Variants in TGS1 observed in about 807,000 individuals in gnomAD.
The protein encoded by TGS1 is trimethylguanosine synthase 1.
Under a neutral mutation model 92.2 loss-of-function variants are expected in TGS1, and 69 were observed. The ratio of observed to expected loss-of-function variants is 0.75; its 90% CI spans 0.62 to 0.91. TGS1 has a LOEUF of 0.91. TGS1 is among the 40% of genes least tolerant of loss of function. The pLI is 0.00. For synonymous variants in TGS1, 345 were observed against 338.1 expected, an observed-to-expected ratio of 1.02 and a Z score of -0.22; for missense variants, 1,062 against 1,001.2, an observed-to-expected ratio of 1.06 and a Z score of -0.82.
chr8:55,801,934 C>T (rs1812226440), intron 8 of TGS1, among the ~76,000 whole-genome samples: 1 of 152,100 alleles, frequency 6.6e-6, no homozygotes, highest in Non-Finnish European at 1.5e-5. Flanking sequence ...GTGGCTCATG[C>T]CTGTAATCCC....
intron 1 of TGS1, among the ~76,000 whole-genome samples, chr8:55,782,238 G>A (rs1217347286): frequency 6.6e-6 from 1 of 151,876 alleles, no homozygotes; most frequent in Non-Finnish European, 1.5e-5. Flanking sequence ...CTAGAGTGCA[G>A]TGGTGTGATC....
intron 6 of TGS1, among the ~76,000 whole-genome samples, 168 bp from the exon 7 acceptor site, chr8:55,795,810 C>T (rs1016150510): frequency 1.3e-5 from 2 of 152,112 alleles, no homozygotes; most frequent in African/African-American, 4.8e-5. Flanking sequence ...GAAAGTTAGA[C>T]CATCAACTCT....
intron 8 of TGS1, among the ~76,000 whole-genome samples, chr8:55,799,970 C>T (rs1010963439): frequency 3.3e-5 from 5 of 152,102 alleles, no homozygotes; most frequent in Non-Finnish European, 5.9e-5. Flanking sequence ...GTATTCAGAG[C>T]AGTTGGCTCT....
intron 6 of TGS1, among the ~76,000 whole-genome samples, chr8:55,795,292 C>G (rs963452274): frequency 1.3e-5 from 2 of 152,116 alleles, no homozygotes; most frequent in East Asian, 3.8e-4. Flanking sequence ...ATAAAATATC[C>G]TGTTTATTAA....
In TGS1 at chr8:55,799,036, T is replaced by A. The variant is rs769665047; in HGVS notation, c.1665T>A (p.Ser555=). The A allele has an allele frequency of 5.6e-6, 9 of 1,614,202 alleles. No homozygotes were observed. Among genetic ancestry groups the A allele is most frequent in the Non-Finnish European group, 7.6e-6 (9 of 1,180,038 alleles). ...TSSDSEEQDM[S]VKKGDDLLET... is the part of the protein sequence containing the mutation. ...GTGATTCAGAGGAACAAGACATGTCTGTTAAAAAAGGTGATGACCTACTGG... is the reference window on the plus strand; with the variant it reads ...GTGATTCAGAGGAACAAGACATGTCAGTTAAAAAAGGTGATGACCTACTGG... The change falls in exon 8 of 13, where the codon TCT becomes TCA. Residue 555 remains serine (S), a synonymous_variant. Coordinates refer to ENST00000260129, the MANE Select transcript of TGS1 (RefSeq NM_024831.8).
In TGS1 at chr8:55,824,809, A is replaced by T; in HGVS notation, c.*106A>T. ...ACTGATATTTTCTACCCATGGTCTT[A>T]TATCACCGTATGAAATGGAAACTTA... On this transcript the variant is annotated 3_prime_UTR_variant, in exon 13 of 13. Transcript: ENST00000260129. 1 of 1,301,868 alleles carries T rather than the reference A, an allele frequency of 7.7e-7. No homozygotes were observed. The highest frequency in any genetic ancestry group is 1.1e-6 in the Non-Finnish European group (1 of 943,186). 80.6% of individuals were successfully genotyped at this position (1,301,868 alleles called of 1,614,324 possible). A position where few individuals can be genotyped will look rare whatever the true frequency, so the allele number is the denominator to read the frequency against.
chr8:55,782,837 AC>A lies in TGS1; in HGVS notation c.166+27del, dbSNP rs754597697. 46 of 1,505,574 alleles carry A rather than the reference AC, an allele frequency of 3.1e-5. 1 individual carries two copies. The South Asian group carries it at 5.3e-4, about 17-fold the overall frequency. The allele number at this position is 1,505,574 out of a possible 1,614,324, so 93.3% of individuals were successfully genotyped here. On this transcript the variant is annotated intron_variant, in intron 2 of 12. Transcript: ENST00000260129. ...GGTAATATAGTATAAAATTCTATAA[AC>A]CTTTTTTGCTGAAATTAGCCATAAT...
At chr8:55,806,711 G>C (rs955180745) in intron 10 of TGS1, among the ~76,000 whole-genome samples, 4 of 152,028 alleles carry the variant, frequency 2.6e-5, no homozygotes, top group East Asian at 1.9e-4. Flanking sequence ...ATGTCTTACT[G>C]TCTGTGTTTC....
At chr8:55,784,852 C>T (rs530144893) in intron 2 of TGS1, among the ~76,000 whole-genome samples, 47 of 152,220 alleles carry the variant, frequency 3.1e-4, no homozygotes, top group Non-Finnish European at 5.7e-4. Context: ...CTCCACGTAC[C>T]AGGGTTACAT....
In TGS1 at chr8:55,786,647, A is replaced by G. The variant is rs1811721977; in HGVS notation, c.749A>G (p.Glu250Gly). 1 of 1,614,042 alleles carries G rather than the reference A, an allele frequency of 6.2e-7. No homozygotes were observed. Among genetic ancestry groups the G allele is most frequent in the Non-Finnish European group, 8.5e-7 (1 of 1,180,024 alleles). The change falls in exon 4 of 13, where the codon GAA becomes GGA. Residue 250 changes from glutamate to glycine, a missense_variant. By Grantham distance (98) the Glu-to-Gly change is moderately conservative. Coordinates refer to ENST00000260129, the MANE Select transcript of TGS1 (RefSeq NM_024831.8). ...HYSQLYWYYL[E>G]QFQYWEAQGW... ...AGTCAACTTTATTGGTATTATTTGG[A>G]ACAATTTCAGTATTGGGAAGCTCAG...
At chr8:55,812,963 TATG>T (rs1803377298) in intron 11 of TGS1, 74 bp from the exon 12 acceptor site, 2 of 1,072,834 alleles carry the variant, frequency 1.9e-6, no homozygotes, top group African/African-American at 3.2e-5. Context: ...ACATTTGAGT[TATG>T]ATAAGTAAAA....
intron 11 of TGS1, among the ~76,000 whole-genome samples, chr8:55,811,847 G>A (rs1286343679): frequency 2.6e-5 from 4 of 152,188 alleles, no homozygotes; most frequent in Admixed American, 6.5e-5. Context: ...TACATAAAAA[G>A]CAGGTATGTA....
intron 12 of TGS1, among the ~76,000 whole-genome samples, chr8:55,823,891 G>A (rs987191747): frequency 6.6e-6 from 1 of 152,138 alleles, no homozygotes; most frequent in Non-Finnish European, 1.5e-5. Context: ...GGGCCGAGCG[G>A]ATCACCAGGT....
chr8:55,819,265 G>GGTTA (rs1389212074), intron 12 of TGS1, among the ~76,000 whole-genome samples: 2 of 148,734 alleles, frequency 1.3e-5, no homozygotes, highest in Non-Finnish European at 3.0e-5. Context: ...CACCAGTGTA[G>GGTTA]GTTAGCTTGT....
rs1279178292 is a variant in TGS1, at chr8:55,804,740, A to AT, written c.2000-146dup. Reference sequence around the variant, plus strand: ...TACTGCTTTTTATAACAAGCTTTGAATTTTTTTCTTTAAAACTGGGTGATT... The same window carrying AT: ...TACTGCTTTTTATAACAAGCTTTGAATTTTTTTTCTTTAAAACTGGGTGATT... On this transcript the variant is annotated intron_variant, in intron 9 of 12. Transcript: ENST00000260129. Among the ~76,000 whole-genome samples, 3 of 152,052 alleles carry AT rather than the reference A, an allele frequency of 2.0e-5. No individual in the cohort carries two copies. In the East Asian group the frequency reaches 5.8e-4, roughly 29 times the overall value.
chr8:55,799,276 AAT>A, intron 8 of TGS1, 56 bp downstream of exon 8: 2 of 1,486,528 alleles, frequency 1.3e-6, no homozygotes, highest in Non-Finnish European at 1.8e-6. Context: ...TTTTTTTGTT[AAT>A]ATGTTTTTTC....
At chr8:55,782,146 CTTTATTTATTTATTTA>C (rs201552456) in intron 1 of TGS1, among the ~76,000 whole-genome samples, 9 of 150,734 alleles carry the variant, frequency 6.0e-5, no homozygotes, top group East Asian at 3.9e-4. Context: ...AGAACTTACA[CTTTATTTATTTATTTA>C]TTTATTTATT....
At chr8:55,781,107 T>C (rs545267487) in intron 1 of TGS1, among the ~76,000 whole-genome samples, 2 of 152,332 alleles carry the variant, frequency 1.3e-5, no homozygotes, top group African/African-American at 4.8e-5. Context: ...GCCCTCTTAG[T>C]AGAGAGAGTT....
chr8:55,785,700 TAATA>T lies in TGS1; in HGVS notation c.167-15_167-12del. ...TCTTAAGTTTTCCTTAAAACTAAGCTAATAAATGGTGTCTATAGGAGACCAGGCG... is the reference window on the plus strand; with the variant it reads ...TCTTAAGTTTTCCTTAAAACTAAGCTAATGGTGTCTATAGGAGACCAGGCG... On this transcript the variant is annotated splice_polypyrimidine_tract_variant and intron_variant, in intron 2 of 12. Transcript: ENST00000260129. 1 of 1,499,474 alleles carries T rather than the reference TAATA, an allele frequency of 6.7e-7. No individual in the cohort carries two copies. The highest frequency in any genetic ancestry group is 2.4e-5 in the East Asian group (1 of 41,190). 92.9% of individuals were successfully genotyped at this position (1,499,474 alleles called of 1,614,324 possible). A position where few individuals can be genotyped will look rare whatever the true frequency, so the allele number is the denominator to read the frequency against.
Sources: gnomAD v4.1 joint callset for allele counts (sites outside exome capture counted in the v4.1 genomes callset) on GRCh38, gnomAD v4.1.1 for gene constraint, MANE v1.5 for transcripts, NCBI Gene and HGNC (gene_info 2026-07-23, HGNC 2026-07-21) for gene names.